Variants in GPR35 observed in about 807,000 individuals in gnomAD.
GPR35 encodes G protein-coupled receptor 35.
For synonymous variants in GPR35, 207 were observed against 198.4 expected (o/e 1.04, Z -0.36); for missense variants, 372 against 422.5 (o/e 0.88, Z 1.05).
chr2:240,623,105 G>A (rs1048762089), upstream of GPR35, among the ~76,000 whole-genome samples: 20 of 152,210 alleles, frequency 1.3e-4, no homozygotes, highest in Admixed American at 5.9e-4. Context: ...ATATGTCCCC[G>A]GCACTCGCAG....
At chr2:240,622,601 A>G (rs1023261988), upstream of GPR35, among the ~76,000 whole-genome samples, 1 of 152,264 alleles carries the variant, frequency 6.6e-6, no homozygotes, top group Non-Finnish European at 1.5e-5. Flanking sequence ...GCCACATTCA[A>G]AGCCCGCAGC....
intron 3 of GPR35, chr2:240,616,595 C>G (rs2043239914): frequency 4.2e-6 from 3 of 712,668 alleles, no homozygotes; most frequent in Middle Eastern, 2.5e-4. Flanking sequence ...CTGGTGGTCT[C>G]TTTGTGAGGC....
chr2:240,607,959 T>C (rs1031916376), intron 2 of GPR35, among the ~76,000 whole-genome samples: 1 of 152,074 alleles, frequency 6.6e-6, no homozygotes, highest in Non-Finnish European at 1.5e-5. Flanking sequence ...TGATGCAATC[T>C]TAACTCACTG....
upstream of GPR35, chr2:240,625,436 G>A (rs2043357722): frequency 9.1e-6 from 9 of 985,582 alleles, no homozygotes; most frequent in Non-Finnish European, 9.6e-6. Context: ...TTAAGGAGGG[G>A]CAGAGTCAGG....
chr2:240,618,806 C>T, intron 4 of GPR35: 1 of 537,078 alleles, frequency 1.9e-6, no homozygotes, highest in Non-Finnish European at 3.3e-6. Context: ...TGTACATAAA[C>T]ATGCTTTTTT....
intron 2 of GPR35, among the ~76,000 whole-genome samples, chr2:240,614,885 T>C (rs989488278): frequency 2.6e-5 from 4 of 152,102 alleles, no homozygotes; most frequent in Admixed American, 1.3e-4. Context: ...TATATATATG[T>C]GTATGTGTAT....
At position 240,632,291 on chromosome 2, in the gene GPR35, G is replaced by C. The variant is rs891490983; in HGVS notation, c.*1409G>C. ...TATGCCCTGGAGGGCCCCATGCCCGGGAGAGTCACGTGCACAGAGGGCCCT... is the reference window on the plus strand; with the variant it reads ...TATGCCCTGGAGGGCCCCATGCCCGCGAGAGTCACGTGCACAGAGGGCCCT... On this transcript the variant is annotated 3_prime_UTR_variant, in exon 2 of 2. Coordinates refer to ENST00000407714, the MANE Select transcript of GPR35 (RefSeq NM_005301.5). 6.6e-6 allele frequency among the ~76,000 whole-genome samples: 1 copy of C among 150,468 alleles called. No individual in the cohort carries two copies. Among genetic ancestry groups the C allele is most frequent in the Non-Finnish European group, 1.5e-5 (1 of 67,580 alleles).
rs1237405421 is a variant in GPR35, at chr2:240,632,043, G to A, written c.*1161G>A. 1.2e-4 allele frequency among the ~76,000 whole-genome samples: 19 copies of A among 152,184 alleles called. No individual in the cohort carries two copies. Among genetic ancestry groups the A allele is most frequent in the Non-Finnish European group, 2.1e-4 (14 of 68,034 alleles). ...TGCCTAAAAGGGTGCATGCCCAGGT[G>A]GGCCCATGCCCAGGAAGGTCCATGC... On this transcript the variant is annotated 3_prime_UTR_variant, in exon 2 of 2. Coordinates refer to ENST00000407714, the MANE Select transcript of GPR35 (RefSeq NM_005301.5).
At position 240,633,126 on chromosome 2, in the gene GPR35, T is replaced by C. The variant is rs2043467872; in HGVS notation, c.*2244T>C. On this transcript the variant is annotated 3_prime_UTR_variant, in exon 2 of 2. Coordinates refer to ENST00000407714, the MANE Select transcript of GPR35 (RefSeq NM_005301.5). ...TGAGGCCTCCCTAGCCATGCTGAAGTGTGAGTCAATTAAACCTCTTTCCTT... is the reference window on the plus strand; with the variant it reads ...TGAGGCCTCCCTAGCCATGCTGAAGCGTGAGTCAATTAAACCTCTTTCCTT... Among the ~76,000 whole-genome samples the C allele has an allele frequency of 6.6e-6, 1 of 152,188 alleles. No homozygotes were observed. The highest frequency in any genetic ancestry group is 1.5e-5 in the Non-Finnish European group (1 of 68,032).
At position 240,630,631 on chromosome 2, in the gene GPR35, G is replaced by A. The variant is rs762078393; in HGVS notation, c.679G>A (p.Val227Met). The change falls in exon 2 of 2, where the codon GTG becomes ATG. Residue 227 changes from valine to methionine, a missense_variant. Transcript: ENST00000407714. ...RMVWANLLVF[V>M]VCFLPLHVGL... is the part of the protein sequence containing the mutation. ...GGTCTGGGCCAACCTCCTGGTGTTC[G>A]TGGTCTGCTTCCTGCCCCTGCACGT... The A allele has an allele frequency of 5.0e-6, 8 of 1,612,854 alleles. No homozygotes were observed. Among genetic ancestry groups the A allele is most frequent in the East Asian group, 2.2e-5 (1 of 44,876 alleles).
intron 2 of GPR35, among the ~76,000 whole-genome samples, chr2:240,613,787 C>A (rs1338496469): frequency 6.6e-6 from 1 of 151,692 alleles, no homozygotes; most frequent in African/African-American, 2.4e-5. Flanking sequence ...TAACCCTAAC[C>A]CTAACTCAAC....
chr2:240,629,695 C>G (rs34670015), intron 1 of GPR35: 1 of 426,516 alleles, frequency 2.3e-6, no homozygotes, highest in East Asian at 3.5e-5. Context: ...CCTTTCCTGC[C>G]CCATGACAGC....
At chr2:240,625,738 CAGGGTCTCAGAGCGGGGTGAGGCTGTGAT>C (rs2043363381) in intron 1 of GPR35, among the ~76,000 whole-genome samples, 170 bp downstream of exon 1, 1 of 31,064 alleles carries the variant, frequency 3.2e-5, no homozygotes. Flanking sequence ...GAGGCTGTGA[CAGGGTCTCAGAGCGGGGTGAGGCTGTGAT>C]GGGGGTCTCA....
upstream of GPR35, among the ~76,000 whole-genome samples, chr2:240,621,496 C>G (rs574869503): frequency 7.3e-4 from 111 of 152,218 alleles, 1 homozygote; most frequent in African/African-American, 2.6e-3. Context: ...CTCGTGATCC[C>G]CCTGCCTCGG....
chr2:240,617,049 T>C (rs774842176), intron 3 of GPR35: 4 of 730,246 alleles, frequency 5.5e-6, no homozygotes, highest in South Asian at 2.9e-5. Context: ...AGCTGACACC[T>C]GGATTGCAGA....
At chr2:240,608,765 G>T (rs2043158714) in intron 2 of GPR35, among the ~76,000 whole-genome samples, 1 of 152,068 alleles carries the variant, frequency 6.6e-6, no homozygotes. Context: ...AAATGAGCTG[G>T]CCAGTGTTTC....
chr2:240,614,435 C>T (rs911218319), intron 2 of GPR35, among the ~76,000 whole-genome samples: 6 of 152,268 alleles, frequency 3.9e-5, no homozygotes, highest in Non-Finnish European at 8.8e-5. Flanking sequence ...CATTCCAGTT[C>T]TCCCTTCAGA....
At chr2:240,606,841 G>A (rs1337000057) in intron 2 of GPR35, among the ~76,000 whole-genome samples, 2 of 152,234 alleles carry the variant, frequency 1.3e-5, no homozygotes, top group Non-Finnish European at 2.9e-5. Context: ...TAAGGAGCCT[G>A]AGTCTTATCT....
At chr2:240,624,668 G>A (rs554082644), upstream of GPR35, among the ~76,000 whole-genome samples, 8 of 152,320 alleles carry the variant, frequency 5.3e-5, no homozygotes, top group African/African-American at 1.9e-4. Flanking sequence ...GTGGTCAGGG[G>A]CTGTGGGGCC....
Sources: allele counts gnomAD v4.1 joint callset (sites outside exome capture counted in the v4.1 genomes callset), GRCh38; gene constraint gnomAD v4.1.1; transcripts MANE v1.5; gene names NCBI Gene and HGNC (gene_info 2026-07-23, HGNC 2026-07-21).